The following PACS1 variants were observed in gnomAD, a reference collection of about 807,000 sequenced individuals.
PACS1 encodes the protein PACS-1.
A neutral mutation model predicts 115.0 loss-of-function variants in PACS1; 24 were observed. That is an observed-to-expected ratio of 0.21 (90% confidence interval 0.15 to 0.29). PACS1 has a LOEUF of 0.29. PACS1 is among the 10% of genes least tolerant of loss of function. The pLI is 1.00. For synonymous variants in PACS1, 453 were observed against 504.5 expected, an observed-to-expected ratio of 0.90 and a Z score of 1.37; for missense variants, 838 against 1,251.2, an observed-to-expected ratio of 0.67 and a Z score of 4.98.
At chr11:66,131,981 C>T (rs1590765781) in intron 1 of PACS1, among the ~76,000 whole-genome samples, 1 of 152,118 alleles carries the variant, frequency 6.6e-6, no homozygotes, top group East Asian at 1.9e-4. Flanking sequence ...CTGTTCCTCT[C>T]CCAATCTTTA....
At chr11:66,073,228 A>G (rs1325709000) in intron 1 of PACS1, among the ~76,000 whole-genome samples, 1 of 152,236 alleles carries the variant, frequency 6.6e-6, no homozygotes. Flanking sequence ...ATGGCCTGCC[A>G]TTGGTCTTTC....
chr11:66,130,335 G>C (rs534232853), intron 1 of PACS1, among the ~76,000 whole-genome samples: 1 of 152,242 alleles, frequency 6.6e-6, no homozygotes, highest in African/African-American at 2.4e-5. Flanking sequence ...TTGGAAAGGA[G>C]AGTTGAAGCA....
chr11:66,091,681 C>T (rs1443377443), intron 1 of PACS1, among the ~76,000 whole-genome samples: 2 of 151,638 alleles, frequency 1.3e-5, no homozygotes, highest in African/African-American at 2.4e-5. Context: ...CTCCTCCCAC[C>T]CCACAACAGT....
chr11:66,157,078 A>G (rs10896087), intron 1 of PACS1, among the ~76,000 whole-genome samples: 31,128 of 152,022 alleles, frequency 0.2, 3,275 homozygotes, highest in Middle Eastern at 0.28. Context: ...TCAATTACGT[A>G]GGATGGTACA....
At chr11:66,215,517 T>C (rs1247388232) in intron 4 of PACS1, among the ~76,000 whole-genome samples, 2 of 151,952 alleles carry the variant, frequency 1.3e-5, no homozygotes, top group African/African-American at 4.8e-5. Flanking sequence ...GGAGGATCAC[T>C]TGAGCCTGGG....
At chr11:66,149,255 C>T (rs929570313) in intron 1 of PACS1, among the ~76,000 whole-genome samples, 3 of 151,978 alleles carry the variant, frequency 2.0e-5, no homozygotes, top group East Asian at 1.9e-4. Context: ...CCACACATGA[C>T]TAATTTTTGT....
In PACS1 at chr11:66,211,138, C is replaced by T; in HGVS notation, c.539C>T (p.Pro180Leu). 1 of 1,613,592 alleles carries T rather than the reference C, an allele frequency of 6.2e-7. No homozygotes were observed. The highest frequency in any genetic ancestry group is 8.5e-7 in the Non-Finnish European group (1 of 1,179,632). The change falls in exon 4 of 24, where the codon CCT becomes CTT. Residue 180 changes from proline (P) to leucine (L), a missense_variant. Pro to Leu is a moderately conservative substitution (Grantham distance 98). Coordinates refer to ENST00000320580, the MANE Select transcript of PACS1 (RefSeq NM_018026.4). ...ACTCTGTTTTGTATTTCGTAGTACC[C>T]TCATTTCCTTAAGCGAGATGCCAAC... is the stretch of plus-strand genomic sequence containing the variant. The part of the protein sequence containing the change: ...ELQLTFSLQY[P>L]HFLKRDANKL...
At chr11:66,137,042 G>A (rs547925881) in intron 1 of PACS1, among the ~76,000 whole-genome samples, 6 of 136,660 alleles carry the variant, frequency 4.4e-5, no homozygotes, top group Non-Finnish European at 7.7e-5. Context: ...CCACCATTTC[G>A]TCATTTGTCT....
chr11:66,214,756 C>T (rs1297502996), intron 4 of PACS1, among the ~76,000 whole-genome samples: 1 of 148,792 alleles, frequency 6.7e-6, no homozygotes, highest in Non-Finnish European at 1.5e-5. Context: ...TGAGTAGCTG[C>T]AACTACAGGC....
At chr11:66,088,936 T>G (rs1857614921) in intron 1 of PACS1, among the ~76,000 whole-genome samples, 1 of 152,246 alleles carries the variant, frequency 6.6e-6, no homozygotes. Context: ...ATATAAGTAT[T>G]CTGTACTTTT....
At chr11:66,145,951 G>T (rs1332681724) in intron 1 of PACS1, among the ~76,000 whole-genome samples, 2 of 152,196 alleles carry the variant, frequency 1.3e-5, no homozygotes, top group Admixed American at 6.5e-5. Flanking sequence ...TCACAGGGGA[G>T]ACAGATTTTG....
intron 1 of PACS1, among the ~76,000 whole-genome samples, chr11:66,108,748 G>C (rs191273595): frequency 6.6e-6 from 1 of 152,280 alleles, no homozygotes; most frequent in African/African-American, 2.4e-5. Flanking sequence ...CTGAGTGACA[G>C]AGAGAGGCCT....
chr11:66,242,967 C>A lies in PACS1; in HGVS notation c.2712C>A (p.Ser904Arg). 1 of 1,613,950 alleles carries A rather than the reference C, an allele frequency of 6.2e-7. No individual in the cohort carries two copies. The change falls in exon 23 of 24, where the codon AGC (serine) becomes AGA (arginine). Residue 904 changes from serine (S) to arginine (R), a missense_variant. By Grantham distance (110) the Ser-to-Arg change is moderately radical. Transcript: ENST00000320580. ...GAGAAAAGGAGGTGGATTCTAAGAG[C>A]CAGGTCATTGAAGGCATCAGCCGCC... The part of the protein sequence containing the change: ...KPREKEVDSK[S>R]QVIEGISRLI...
rs200211138 is a variant in PACS1, at chr11:66,233,966, G to A, written c.1993+27G>A. 8.9e-6 allele frequency: 14 copies of A among 1,566,408 alleles called. No homozygotes were observed. Among genetic ancestry groups the A allele is most frequent in the Middle Eastern group, 1.7e-4 (1 of 5,816 alleles). ...TAAAGACGGGAGGCACCAGGAGGGC[G>A]TCGGGCATGAGGGTTCCATAGACAG... On this transcript the variant is annotated intron_variant, in intron 16 of 23. Coordinates refer to ENST00000320580, the MANE Select transcript of PACS1 (RefSeq NM_018026.4). This position sits in a 1 kb window ranked among gnomAD's most constrained non-coding sequence, Gnocchi z 4.5.
intron 2 of PACS1, among the ~76,000 whole-genome samples, chr11:66,195,909 A>G (rs1446823680): frequency 1.3e-5 from 2 of 152,142 alleles, no homozygotes; most frequent in Non-Finnish European, 2.9e-5. Flanking sequence ...GGCCACAACT[A>G]TTTTCATGAT....
intron 1 of PACS1, among the ~76,000 whole-genome samples, chr11:66,109,089 T>C (rs1858125468): frequency 6.6e-6 from 1 of 152,204 alleles, no homozygotes. Context: ...ACACAGACAC[T>C]ATGGCCTTCG....
intron 11 of PACS1, among the ~76,000 whole-genome samples, chr11:66,228,597 T>C (rs1395805138): frequency 6.6e-6 from 1 of 152,176 alleles, no homozygotes; most frequent in Non-Finnish European, 1.5e-5. Flanking sequence ...TCTTCAGTGA[T>C]TGGCCAAATC....
intron 1 of PACS1, among the ~76,000 whole-genome samples, chr11:66,086,195 T>C (rs1395380010): frequency 1.3e-5 from 2 of 149,314 alleles, no homozygotes; most frequent in Non-Finnish European, 1.5e-5. Context: ...TGGAGTGCAG[T>C]GGCGCGATCT....
chr11:66,139,142 T>G (rs1190506492), intron 1 of PACS1, among the ~76,000 whole-genome samples: 2 of 152,164 alleles, frequency 1.3e-5, no homozygotes, highest in Admixed American at 6.5e-5. Context: ...TACCTTTAGT[T>G]TTCATGATGT....
Sources: gnomAD v4.1 joint callset for allele counts (sites outside exome capture counted in the v4.1 genomes callset) on GRCh38, gnomAD v4.1.1 for gene constraint, Gnocchi (gnomAD v3.1) non-coding constraint, MANE v1.5 for transcripts, NCBI Gene and HGNC (gene_info 2026-07-23, HGNC 2026-07-21) for gene names.